BCKDHB: variants seen among roughly 807,000 people sequenced by gnomAD.
BCKDHB encodes the protein branched chain keto acid dehydrogenase E1 subunit beta.
In BCKDHB, 41 loss-of-function variants were observed where a neutral mutation model predicts 48.5. That is an observed-to-expected ratio of 0.85 (90% CI 0.66 to 1.10). The LOEUF (loss-of-function observed/expected upper bound fraction) is 1.10. Ranked by LOEUF, BCKDHB falls within the 50% of genes least tolerant of loss-of-function variation. The pLI, the probability that BCKDHB is intolerant of heterozygous loss-of-function variation, is 0.00. For synonymous variants in BCKDHB, 201 were observed against 174.8 expected, an observed-to-expected ratio of 1.15 and a Z score of -1.18; for missense variants, 496 against 494.2, an observed-to-expected ratio of 1.00 and a Z score of -0.03.
chr6:80,359,481 C>G, the BCKDHB span, among the ~76,000 whole-genome samples: 1 of 152,190 alleles, frequency 6.6e-6, no homozygotes, highest in Non-Finnish European at 1.5e-5. Context: ...CTCCTGTTTT[C>G]TTTGTCACTA....
chr6:80,437,946 C>A, the BCKDHB span, among the ~76,000 whole-genome samples: 8 of 152,166 alleles, frequency 5.3e-5, no homozygotes, highest in East Asian at 1.5e-3. Context: ...CCAGAGATAA[C>A]CTTGGTGCAC....
intron 9 of BCKDHB, among the ~76,000 whole-genome samples, chr6:80,337,087 C>T (rs950623160): frequency 6.6e-6 from 1 of 152,086 alleles, no homozygotes; most frequent in Non-Finnish European, 1.5e-5. Context: ...GGCATACTGC[C>T]TTCACAGGTT....
intron 8 of BCKDHB, among the ~76,000 whole-genome samples, chr6:80,239,503 C>G (rs1011293865): frequency 1.3e-5 from 2 of 152,068 alleles, no homozygotes; most frequent in African/African-American, 4.8e-5. Context: ...TGGATATTAG[C>G]CCTTTGTCAG....
intron 3 of BCKDHB, among the ~76,000 whole-genome samples, chr6:80,157,876 T>C (rs891561586): frequency 3.9e-5 from 6 of 152,220 alleles, no homozygotes; most frequent in African/African-American, 1.4e-4. Context: ...ACATAGTACA[T>C]ATCTATTTCA....
intron 3 of BCKDHB, among the ~76,000 whole-genome samples, chr6:80,151,372 CAT>C (rs770677684): frequency 6.6e-6 from 1 of 151,628 alleles, no homozygotes; most frequent in African/African-American, 2.4e-5. Context: ...AATTAGAAAA[CAT>C]TTCAGATTTA....
At position 80,344,515 on chromosome 6, in the gene BCKDHB, T is replaced by G. The variant is rs886081341; in HGVS notation, c.*711T>G. On this transcript the variant is annotated 3_prime_UTR_variant, in exon 10 of 10. Transcript: ENST00000320393. ...TGTGCACCAACATGCCCAGCTAATT[T>G]TTTATATTTTTAGTAGAGACGGGGT... The G allele has an allele frequency of 6.6e-5, 10 of 152,566 alleles. No homozygotes were observed. The highest frequency in any genetic ancestry group is 2.2e-4 in the African/African-American group (9 of 41,386). The allele number at this position is 152,566 out of a possible 1,614,324, so 9.5% of individuals were successfully genotyped here. A position where few individuals can be genotyped will look rare whatever the true frequency, so the allele number is the denominator to read the frequency against.
At chr6:80,316,205 C>T (rs1298356127) in intron 9 of BCKDHB, among the ~76,000 whole-genome samples, 1 of 152,142 alleles carries the variant, frequency 6.6e-6, no homozygotes, top group Non-Finnish European at 1.5e-5. Context: ...GATGTTAAAA[C>T]ATTTATAAAC....
At chr6:80,349,942 C>T (rs1770348148), downstream of BCKDHB, among the ~76,000 whole-genome samples, 1 of 151,978 alleles carries the variant, frequency 6.6e-6, no homozygotes, top group Non-Finnish European at 1.5e-5. Context: ...ATGTTTTAAA[C>T]TTTTTTATTT....
intron 3 of BCKDHB, among the ~76,000 whole-genome samples, chr6:80,134,972 G>C (rs1247373765): frequency 2.0e-5 from 3 of 151,924 alleles, no homozygotes; most frequent in Non-Finnish European, 4.4e-5. Context: ...GGCTGGTCTC[G>C]ACCTCCTGAC....
At chr6:80,294,199 G>A (rs1470534506) in intron 9 of BCKDHB, among the ~76,000 whole-genome samples, 1 of 152,140 alleles carries the variant, frequency 6.6e-6, no homozygotes, top group Non-Finnish European at 1.5e-5. Flanking sequence ...AACATAAATT[G>A]TGAAGATTTC....
chr6:80,273,951 A>G (rs1028344638), intron 9 of BCKDHB, among the ~76,000 whole-genome samples: 4 of 152,024 alleles, frequency 2.6e-5, no homozygotes, highest in African/African-American at 7.2e-5. Flanking sequence ...CCATATTTTA[A>G]ATGGAAGGTG....
the BCKDHB span, among the ~76,000 whole-genome samples, chr6:80,415,459 A>C: frequency 3.9e-5 from 6 of 152,006 alleles, no homozygotes; most frequent in African/African-American, 1.4e-4. Flanking sequence ...ATACCTAATA[A>C]ATTCAGAGCT....
the BCKDHB span, among the ~76,000 whole-genome samples, chr6:80,373,728 G>T: frequency 6.6e-6 from 1 of 152,246 alleles, no homozygotes; most frequent in Non-Finnish European, 1.5e-5. Context: ...ATACTTTCCT[G>T]TTGGACTAGG....
In BCKDHB at chr6:80,168,860, C is replaced by T. The variant is rs772227275; in HGVS notation, c.478-15C>T. On this transcript the variant is annotated splice_polypyrimidine_tract_variant and intron_variant, in intron 4 of 9. Coordinates refer to ENST00000320393, the MANE Select transcript of BCKDHB (RefSeq NM_183050.4). ...ACTCATTGTGCCATGCCCCGTCTTTCTTTCTGACCCTCAGATTGTTAATGA... is the reference window on the plus strand; with the variant it reads ...ACTCATTGTGCCATGCCCCGTCTTTTTTTCTGACCCTCAGATTGTTAATGA... 9.9e-6 allele frequency: 16 copies of T among 1,613,700 alleles called. No individual in the cohort carries two copies. In the Admixed American group the frequency reaches 2.0e-4, roughly 20 times the overall value.
At chr6:80,374,546 C>T in the BCKDHB span, 1 of 709,992 alleles carries the variant, frequency 1.4e-6, no homozygotes, top group Admixed American at 1.8e-5. Context: ...TGGGGTTCTC[C>T]CGGTCAAGTG....
the BCKDHB span, among the ~76,000 whole-genome samples, chr6:80,379,438 A>T: frequency 6.6e-6 from 1 of 152,054 alleles, no homozygotes; most frequent in Non-Finnish European, 1.5e-5. Flanking sequence ...GCATAAATGG[A>T]ACATATCTCA....
intron 8 of BCKDHB, among the ~76,000 whole-genome samples, chr6:80,257,405 T>C (rs185704056): frequency 8.8e-4 from 125 of 141,758 alleles, no homozygotes; most frequent in African/African-American, 3.1e-3. Context: ...ATTAAAGATA[T>C]ATAATTCATA....
chr6:80,171,303 T>C lies in BCKDHB; in HGVS notation c.655T>C (p.Phe219Leu). Residue 219 changes from phenylalanine (F) to leucine (L), a missense_variant, in exon 6 of 10, where the codon TTC becomes CTC. Phe to Leu is a conservative substitution (Grantham distance 22). Coordinates refer to ENST00000320393, the MANE Select transcript of BCKDHB (RefSeq NM_183050.4). ...GCAGGTGGTTATACCCAGAAGCCCTTTCCAGGCCAAAGGACTTCTTTTGTC... is the reference window on the plus strand; with the variant it reads ...GCAGGTGGTTATACCCAGAAGCCCTCTCCAGGCCAAAGGACTTCTTTTGTC... Reference protein sequence around the residue: ...GIKVVIPRSPFQAKGLLLSCI... With the variant: ...GIKVVIPRSPLQAKGLLLSCI... The C allele has an allele frequency of 6.2e-7, 1 of 1,608,706 alleles. No individual in the cohort carries two copies. The highest frequency in any genetic ancestry group is 8.5e-7 in the Non-Finnish European group (1 of 1,177,458).
chr6:80,176,292 G>C lies in BCKDHB; in HGVS notation c.742+4902G>C, dbSNP rs143512339. On this transcript the variant is annotated intron_variant, in intron 6 of 9. Coordinates refer to ENST00000320393, the MANE Select transcript of BCKDHB (RefSeq NM_183050.4). ...ATAAATGGTGTGTGATTGTGTGTGT[G>C]CTGATTTTAAATATATACTGAGCTG... is the stretch of plus-strand genomic sequence containing the variant. Among the ~76,000 whole-genome samples the C allele has an allele frequency of 1.5e-4, 23 of 152,304 alleles. No individual in the cohort carries two copies. The East Asian group carries it at 4.2e-3, about 28-fold the overall frequency.
Sources: allele counts gnomAD v4.1 joint callset (sites outside exome capture counted in the v4.1 genomes callset), GRCh38; gene constraint gnomAD v4.1.1; transcripts MANE v1.5; gene names NCBI Gene and HGNC (gene_info 2026-07-23, HGNC 2026-07-21).